CARD14: variants seen among roughly 807,000 people sequenced by gnomAD.
CARD14 encodes caspase recruitment domain-containing protein 14.
In CARD14, 107 loss-of-function variants were observed where a neutral mutation model predicts 111.5. The ratio of observed to expected loss-of-function variants is 0.96; its 90% confidence interval spans 0.82 to 1.13. CARD14 has a LOEUF of 1.13. Among genes scored for constraint, CARD14 ranks in the 50% most tolerant of loss-of-function variants. The probability of loss-of-function intolerance (pLI) is 0.00; values close to 1 mark genes in which losing one functional copy is unlikely to be tolerated. For missense variants in CARD14, 1,322 were observed against 1,362.3 expected, an observed-to-expected ratio of 0.97 and a Z score of 0.47; for synonymous variants, 617 against 579.6, an observed-to-expected ratio of 1.06 and a Z score of -0.93.
Position 80,195,166 on chromosome 17 carries a change from C to T in CARD14, c.1357-25C>T. ...TCAGGGTGTCCTCGTGCGTGCCCCA[C>T]TGACTTCTGCCCTCCCTCCTCCAGT... On this transcript the variant is annotated intron_variant, in intron 12 of 23. Coordinates refer to ENST00000648509, the MANE Select transcript of CARD14 (RefSeq NM_001366385.1). The surrounding 1 kb of genome is among the most constrained non-coding windows in gnomAD (Gnocchi z 4.7). 6.3e-7 allele frequency: 1 copy of T among 1,582,894 alleles called. No individual in the cohort carries two copies. The highest frequency in any genetic ancestry group is 8.6e-7 in the Non-Finnish European group (1 of 1,159,504).
At chr17:80,171,205 C>CCCTTCCTTCCTTCCTT (rs59738447) in intron 1 of CARD14, among the ~76,000 whole-genome samples, 39 of 41,164 alleles carry the variant, frequency 9.5e-4, no homozygotes, top group South Asian at 2.9e-3. Context: ...CTCCCTCCCT[C>CCCTTCCTTCCTTCCTT]CCTTCCTTCC....
chr17:80,183,175 G>A (rs546382262), intron 6 of CARD14, among the ~76,000 whole-genome samples: 3 of 152,228 alleles, frequency 2.0e-5, no homozygotes, highest in Non-Finnish European at 4.4e-5. Context: ...CTTAGGAGGC[G>A]ACAGAGCGGC....
intron 12 of CARD14, among the ~76,000 whole-genome samples, chr17:80,193,782 CA>C (rs2040610396): frequency 6.6e-6 from 1 of 152,180 alleles, no homozygotes; most frequent in Admixed American, 6.5e-5. Flanking sequence ...GAAGATTTCA[CA>C]GTCGGTGCTG....
chr17:80,191,291 C>T lies in CARD14; in HGVS notation c.1090-32C>T, dbSNP rs189681150. Reference sequence around the variant, plus strand: ...AGCTGAGGCTCCCCGGTGGTGATGGCGCGGCCTCCTTACTCCCGTCGTGGC... The same window carrying T: ...AGCTGAGGCTCCCCGGTGGTGATGGTGCGGCCTCCTTACTCCCGTCGTGGC... On this transcript the variant is annotated intron_variant, in intron 10 of 23. Transcript: ENST00000648509. The T allele has an allele frequency of 1.6e-5, 25 of 1,596,284 alleles. No homozygotes were observed. In the African/African-American group the frequency reaches 2.4e-4, roughly 15 times the overall value.
chr17:80,198,738 G>T lies in CARD14; in HGVS notation c.1851+147G>T. 6.5e-7 allele frequency: 1 copy of T among 1,549,400 alleles called. No individual in the cohort carries two copies. Among genetic ancestry groups the T allele is most frequent in the South Asian group, 1.2e-5 (1 of 83,938 alleles). On this transcript the variant is annotated intron_variant, in intron 16 of 23. Coordinates refer to ENST00000648509, the MANE Select transcript of CARD14 (RefSeq NM_001366385.1). This position sits in a 1 kb window ranked among gnomAD's most constrained non-coding sequence, Gnocchi z 7.5. ...CTGCTCTTTCCTGGGCTGACGTAAA[G>T]CGTTCTGCTCATTTATAGATGAGAG...
rs539561719 is a variant in CARD14 at position 80,202,319 on chromosome 17, C to T, written c.2118C>T (p.Thr706=). Residue 706 remains threonine (T), a synonymous_variant, in exon 18 of 24, where the codon ACC becomes ACT. Coordinates refer to ENST00000648509, the MANE Select transcript of CARD14 (RefSeq NM_001366385.1). ...QVHCNEVLHV[T]DTMFQGCGCW... ...ATTGCAACGAGGTCCTGCACGTCACCGACACCATGTTCCAGGGCTGCGGCT... is the reference window on the plus strand; with the variant it reads ...ATTGCAACGAGGTCCTGCACGTCACTGACACCATGTTCCAGGGCTGCGGCT... 1.3e-5 allele frequency: 21 copies of T among 1,613,702 alleles called. No homozygotes were observed. The highest frequency in any genetic ancestry group is 1.1e-4 in the South Asian group (10 of 91,088).
chr17:80,199,131 A>G (rs1319498231), intron 16 of CARD14, among the ~76,000 whole-genome samples: 1 of 152,004 alleles, frequency 6.6e-6, no homozygotes, highest in Non-Finnish European at 1.5e-5. Context: ...ATTTGGGGAC[A>G]TTTTCTAAAA....
chr17:80,174,033 G>A lies in CARD14; in HGVS notation c.-367+805G>A, dbSNP rs550137370. 4.6e-5 allele frequency among the ~76,000 whole-genome samples: 7 copies of A among 152,252 alleles called. No individual in the cohort carries two copies. In the East Asian group the frequency reaches 1.3e-3, roughly 29 times the overall value. On this transcript the variant is annotated intron_variant, in intron 2 of 23. Transcript: ENST00000648509. ...AGATTACAAAAACCTTGATAAATTA[G>A]TGACATTATGTAAAATCAACAGTGC...
rs2041219956 is a variant in CARD14 at position 80,205,169 on chromosome 17, CTG to C, written c.2536_2537del (p.Cys846ProfsTer6). The C allele has an allele frequency of 1.2e-6, 2 of 1,613,648 alleles. No individual in the cohort carries two copies. The highest frequency in any genetic ancestry group is 1.7e-6 in the Non-Finnish European group (2 of 1,179,886). On this transcript the variant is annotated frameshift_variant, in exon 21 of 24. Coordinates refer to ENST00000648509, the MANE Select transcript of CARD14 (RefSeq NM_001366385.1). LOFTEE classifies it high-confidence loss of function. ...RAVGKILSEK[L>X]CLLQGFKKCL... ...GGTTGGGAAGATCCTGAGCGAGAAA[CTG>C]TGCCTCCTCCAAGGGTTTAAGAAGT...
rs1598650812 is a variant in CARD14 at position 80,189,214 on chromosome 17, G to A, written c.844-539G>A. 6.6e-6 allele frequency among the ~76,000 whole-genome samples: 1 copy of A among 152,198 alleles called. No individual in the cohort carries two copies. The highest frequency in any genetic ancestry group is 2.4e-5 in the African/African-American group (1 of 41,448). The stretch of plus-strand genomic sequence containing the variant: ...TCTGCCTGGAAAGACTCCGCCCTCT[G>A]GGCCTCAGGTGCACTGGAGAGAGGG... On this transcript the variant is annotated intron_variant, in intron 8 of 23. Transcript: ENST00000648509. This position sits in a 1 kb window ranked among gnomAD's most constrained non-coding sequence, Gnocchi z 4.7.
In CARD14 at chr17:80,189,638, C is replaced by T. The variant is rs2040453228; in HGVS notation, c.844-115C>T. 1.6e-6 allele frequency: 2 copies of T among 1,284,364 alleles called. No homozygotes were observed. Among genetic ancestry groups the T allele is most frequent in the African/African-American group, 3.2e-5 (2 of 63,474 alleles). The allele number at this position is 1,284,364 out of a possible 1,614,324, so 79.6% of individuals were successfully genotyped here. ...TCCTGCCCGGTGTAGAGTGGCAAGACTGCATCCGTCCACACACCTGACCGT... is the reference window on the plus strand; with the variant it reads ...TCCTGCCCGGTGTAGAGTGGCAAGATTGCATCCGTCCACACACCTGACCGT... On this transcript the variant is annotated intron_variant, in intron 8 of 23. Transcript: ENST00000648509. The surrounding 1 kb of genome is among the most constrained non-coding windows in gnomAD (Gnocchi z 4.7).
intron 14 of CARD14, chr17:80,196,038 T>C (rs760694977): frequency 5.5e-5 from 10 of 181,016 alleles, no homozygotes; most frequent in East Asian, 1.6e-4. Flanking sequence ...CAGCGTGACA[T>C]CTACCTGCGG....
At chr17:80,185,419 C>A (rs1427993342) in intron 7 of CARD14, among the ~76,000 whole-genome samples, 1 of 152,034 alleles carries the variant, frequency 6.6e-6, no homozygotes, top group Admixed American at 6.6e-5. Flanking sequence ...AGAAATAATT[C>A]CAAATATATA....
chr17:80,204,869 C>T (rs2144544941), intron 20 of CARD14, 166 bp from the exon 21 acceptor site: 1 of 600,688 alleles, frequency 1.7e-6, no homozygotes, highest in South Asian at 2.2e-5. Context: ...CAGCCAGGGG[C>T]TATGGAACTG....
At chr17:80,173,624 A>T (rs1217905704) in intron 2 of CARD14, among the ~76,000 whole-genome samples, 20 of 148,890 alleles carry the variant, frequency 1.3e-4, no homozygotes, top group African/African-American at 4.5e-4. Flanking sequence ...TTTTAGATGG[A>T]GTCTCGCACT....
Position 80,182,882 on chromosome 17 carries a change from C to A in CARD14, c.349+92C>A. The stretch of plus-strand genomic sequence containing the variant: ...GTGCCCCGCTTACTTGCCGATTTGC[C>A]CTACTCCCCCTTCCCTCCAGGCTGC... On this transcript the variant is annotated intron_variant, in intron 6 of 23. Transcript: ENST00000648509. The surrounding 1 kb of genome is among the most constrained non-coding windows in gnomAD (Gnocchi z 4.7). 1 of 1,464,298 alleles carries A rather than the reference C, an allele frequency of 6.8e-7. No homozygotes were observed. The highest frequency in any genetic ancestry group is 9.4e-7 in the Non-Finnish European group (1 of 1,061,170). The allele number at this position is 1,464,298 out of a possible 1,614,324, so 90.7% of individuals were successfully genotyped here. A position where few individuals can be genotyped will look rare whatever the true frequency, so the allele number is the denominator to read the frequency against.
In CARD14 at chr17:80,202,427, A is replaced by G; in HGVS notation, c.2219+7A>G. 6.2e-7 allele frequency: 1 copy of G among 1,607,754 alleles called. No homozygotes were observed. Among genetic ancestry groups the G allele is most frequent in the African/African-American group, 1.3e-5 (1 of 74,944 alleles). The stretch of plus-strand genomic sequence containing the variant: ...CCATCCCCAACTACTCCAGGTGAGC[A>G]GCTGCCTCGAGCTCGGTGCGTCCCC... On this transcript the variant is annotated splice_region_variant and intron_variant, in intron 18 of 23. Coordinates refer to ENST00000648509, the MANE Select transcript of CARD14 (RefSeq NM_001366385.1).
chr17:80,185,993 T>C (rs1358307384), intron 7 of CARD14, among the ~76,000 whole-genome samples: 2 of 152,282 alleles, frequency 1.3e-5, no homozygotes, highest in East Asian at 3.8e-4. Flanking sequence ...CCAATTGCTC[T>C]ACTGCAGAAT....
rs1364627024 is a variant in CARD14 at position 80,188,378 on chromosome 17, T to TGTATCTACTGAAG, written c.678_690dup (p.Gln231ValfsTer17). The TGTATCTACTGAAG allele has an allele frequency of 6.2e-7, 1 of 1,609,210 alleles. No homozygotes were observed. The highest frequency in any genetic ancestry group is 8.5e-7 in the Non-Finnish European group (1 of 1,177,930). Reference sequence around the variant, plus strand: ...TCCTGTCGCCTCCCCACCGCACAGCTGTATCTACTGAAGCAGGAGCTGCAG... The same window carrying TGTATCTACTGAAG: ...TCCTGTCGCCTCCCCACCGCACAGCTGTATCTACTGAAGGTATCTACTGAAGCAGGAGCTGCAG... On this transcript the variant is annotated frameshift_variant and splice_region_variant, in exon 8 of 24. Transcript: ENST00000648509. LOFTEE classifies it high-confidence loss of function. The surrounding 1 kb of genome is among the most constrained non-coding windows in gnomAD (Gnocchi z 4.5).
Sources: gnomAD v4.1 joint callset for allele counts (sites outside exome capture counted in the v4.1 genomes callset) on GRCh38, gnomAD v4.1.1 for gene constraint, Gnocchi (gnomAD v3.1) non-coding constraint, MANE v1.5 for transcripts, NCBI Gene and HGNC (gene_info 2026-07-23, HGNC 2026-07-21) for gene names.